The following ROBO2 variants were observed in gnomAD, a reference collection of about 807,000 sequenced individuals.
ROBO2 encodes roundabout guidance receptor 2.
In ROBO2, 53 loss-of-function variants were observed where a neutral mutation model predicts 160.8. The observed-to-expected ratio is 0.33, with a 90% CI of 0.26 to 0.41. ROBO2 has a LOEUF of 0.41. ROBO2 is among the 10% of genes least tolerant of loss of function. The pLI, the probability that ROBO2 is intolerant of heterozygous loss-of-function variation, is 1.00. For missense variants in ROBO2, 1,577 were observed against 1,722.4 expected (o/e 0.92, Z 1.49); for synonymous variants, 664 against 611.7 (o/e 1.09, Z -1.26).
In ROBO2 at chr3:76,603,351, AATAT is replaced by A. The variant is rs71104603; in HGVS notation, c.110-494630_110-494627del. Among the ~76,000 whole-genome samples the A allele has an allele frequency of 4.6e-3, 122 of 26,406 alleles. 1 individual carries two copies. The highest frequency in any genetic ancestry group is 0.02 in the African/African-American group (83 of 4,246). The allele number at this position is 26,406 out of a possible 152,430, so 17.3% of individuals were successfully genotyped here. On this transcript the variant is annotated intron_variant, in intron 2 of 26. Transcript: ENST00000487694. ...CATCTCCAAAAAAAAAAAAAAAAAA[AATAT>A]ATATATATATATATATATATATATA...
chr3:76,775,262 C>G (rs2062173121), intron 2 of ROBO2, among the ~76,000 whole-genome samples: 1 of 150,550 alleles, frequency 6.6e-6, no homozygotes, highest in Admixed American at 6.6e-5. Flanking sequence ...TGTTGCGCAT[C>G]TTGAAGTTAT....
At chr3:76,081,753 G>T (rs2068839585) in intron 2 of ROBO2, among the ~76,000 whole-genome samples, 2 of 151,748 alleles carry the variant, frequency 1.3e-5, no homozygotes, top group Admixed American at 6.6e-5. Context: ...GCCTGTAGGT[G>T]GTATGCTAAA....
At chr3:75,916,592 T>G (rs564426320) in intron 1 of ROBO2, among the ~76,000 whole-genome samples, 40 of 152,186 alleles carry the variant, frequency 2.6e-4, no homozygotes, top group Non-Finnish European at 5.4e-4. Context: ...GACCTTTCTT[T>G]GTCAAGTGTG....
intron 2 of ROBO2, among the ~76,000 whole-genome samples, chr3:77,112,491 G>C (rs1437361998): frequency 1.3e-5 from 2 of 152,034 alleles, no homozygotes; most frequent in African/African-American, 4.8e-5. Flanking sequence ...TGATGCGCCC[G>C]CCTCGGCCTC....
intron 2 of ROBO2, among the ~76,000 whole-genome samples, chr3:76,919,206 A>T (rs1434302370): frequency 6.6e-6 from 1 of 152,216 alleles, no homozygotes; most frequent in African/African-American, 2.4e-5. Context: ...AAAGTAAAAT[A>T]AATAAATAAA....
chr3:76,197,128 A>G (rs1212059336), intron 2 of ROBO2, among the ~76,000 whole-genome samples: 2 of 151,016 alleles, frequency 1.3e-5, no homozygotes, highest in African/African-American at 2.5e-5. Flanking sequence ...CAGTCTCTCT[A>G]TAGATTTGGA....
intron 1 of ROBO2, among the ~76,000 whole-genome samples, chr3:75,936,065 T>C: frequency 6.6e-6 from 1 of 152,178 alleles, no homozygotes; most frequent in Non-Finnish European, 1.5e-5. Flanking sequence ...TCATGGAGTG[T>C]TTATTGGTAC....
chr3:76,458,901 C>T (rs1037577467), intron 2 of ROBO2, among the ~76,000 whole-genome samples: 1 of 152,172 alleles, frequency 6.6e-6, no homozygotes, highest in Non-Finnish European at 1.5e-5. Flanking sequence ...GGATCCCTCT[C>T]ACAGCATGTG....
chr3:76,674,877 G>A (rs2092367630), intron 2 of ROBO2, among the ~76,000 whole-genome samples: 1 of 151,870 alleles, frequency 6.6e-6, no homozygotes, highest in Admixed American at 6.6e-5. Context: ...CCACCATGTG[G>A]CGAAGTTTAA....
At chr3:75,977,386 A>C (rs1192851991) in intron 2 of ROBO2, among the ~76,000 whole-genome samples, 1 of 151,642 alleles carries the variant, frequency 6.6e-6, no homozygotes, top group Non-Finnish European at 1.5e-5. Context: ...GAAATATTTA[A>C]CTTAAAGGTC....
At chr3:77,358,129 C>G (rs1399874632) in intron 2 of ROBO2, among the ~76,000 whole-genome samples, 2 of 152,172 alleles carry the variant, frequency 1.3e-5, no homozygotes, top group African/African-American at 4.8e-5. Flanking sequence ...TTGTTGCAAA[C>G]TGTCATAAAT....
At chr3:75,962,444 T>A (rs1005908545) in intron 2 of ROBO2, among the ~76,000 whole-genome samples, 5 of 151,850 alleles carry the variant, frequency 3.3e-5, no homozygotes, top group African/African-American at 4.8e-5. Flanking sequence ...TATAACGTGT[T>A]TAACTTTGGA....
At chr3:76,379,057 T>C (rs181321274) in intron 2 of ROBO2, among the ~76,000 whole-genome samples, 1 of 152,212 alleles carries the variant, frequency 6.6e-6, no homozygotes, top group Admixed American at 6.5e-5. Context: ...TGCTTAATGA[T>C]GGAGGGTGGT....
rs1036678323 is a variant in ROBO2 at position 77,551,007 on chromosome 3, G to T, written c.1231+18G>T. 2 of 1,611,590 alleles carry T rather than the reference G, an allele frequency of 1.2e-6. No individual in the cohort carries two copies. The highest frequency in any genetic ancestry group is 1.7e-6 in the Non-Finnish European group (2 of 1,178,370). The stretch of plus-strand genomic sequence containing the variant: ...TACTGATGGTGCGATATCTTTACTA[G>T]ATTTGTCTTATGAAAACATTGATTT... On this transcript the variant is annotated intron_variant, in intron 8 of 25. Transcript: ENST00000461745.
chr3:77,623,043 A>G (rs1412150264), intron 23 of ROBO2, among the ~76,000 whole-genome samples: 2 of 152,190 alleles, frequency 1.3e-5, no homozygotes, highest in Non-Finnish European at 2.9e-5. Context: ...TCATCAAACG[A>G]AAGAGTTGCA....
At chr3:77,581,443 G>A (rs1281892784) in intron 16 of ROBO2, among the ~76,000 whole-genome samples, 1 of 152,014 alleles carries the variant, frequency 6.6e-6, no homozygotes, top group Non-Finnish European at 1.5e-5. Context: ...TTATGCGGAG[G>A]TCTATAATTC....
At chr3:77,388,960 T>C (rs967098732) in intron 2 of ROBO2, among the ~76,000 whole-genome samples, 2 of 152,220 alleles carry the variant, frequency 1.3e-5, no homozygotes, top group African/African-American at 4.8e-5. Context: ...GTTGTTGTTG[T>C]TGAGACAGAG....
intron 2 of ROBO2, among the ~76,000 whole-genome samples, chr3:76,070,722 T>A (rs1165269947): frequency 6.6e-6 from 1 of 152,146 alleles, no homozygotes; most frequent in African/African-American, 2.4e-5. Context: ...TGGAACCTAC[T>A]GACATGTGAT....
At chr3:77,389,116 G>C (rs1295090417) in intron 2 of ROBO2, among the ~76,000 whole-genome samples, 1 of 152,020 alleles carries the variant, frequency 6.6e-6, no homozygotes, top group Non-Finnish European at 1.5e-5. Context: ...GGTTAATTTT[G>C]TGTTTTTAGT....
Sources: allele counts gnomAD v4.1 joint callset (sites outside exome capture counted in the v4.1 genomes callset), GRCh38; gene constraint gnomAD v4.1.1; transcripts MANE v1.5; gene names NCBI Gene and HGNC (gene_info 2026-07-23, HGNC 2026-07-21).